Variants in MSH4 observed in about 807,000 individuals in gnomAD.
MSH4 encodes mutS protein homolog 4.
A neutral mutation model predicts 113.7 loss-of-function variants in MSH4; 106 were observed. That is an observed-to-expected ratio of 0.93 (90% confidence interval 0.80 to 1.10). The LOEUF is 1.10. Ranked by LOEUF, MSH4 falls within the 50% of genes least tolerant of loss-of-function variation. The pLI, the probability that MSH4 is intolerant of heterozygous loss-of-function variation, is 0.00. For missense variants in MSH4, 1,061 were observed against 1,093.7 expected (o/e 0.97, Z 0.42); for synonymous variants, 368 against 380.2 (o/e 0.97, Z 0.37).
chr1:75,889,475 A>G, intron 16 of MSH4, 106 bp downstream of exon 16: 1 of 526,136 alleles, frequency 1.9e-6, no homozygotes, highest in Non-Finnish European at 3.4e-6. Context: ...TGTTGCTTAT[A>G]CCCTTTTCTA....
intron 7 of MSH4, among the ~76,000 whole-genome samples, chr1:75,833,252 A>G (rs181265462): frequency 6.6e-6 from 1 of 152,352 alleles, no homozygotes; most frequent in East Asian, 1.9e-4. Context: ...GTCTTCCAGT[A>G]GAACTACAAA....
intron 18 of MSH4, among the ~76,000 whole-genome samples, chr1:75,899,287 A>G (rs1332515721): frequency 6.6e-6 from 1 of 152,102 alleles, no homozygotes; most frequent in Admixed American, 6.6e-5. Flanking sequence ...ATGCCTTTTG[A>G]CCTTCTGTTA....
At chr1:75,824,137 G>T (rs772882628) in intron 7 of MSH4, among the ~76,000 whole-genome samples, 1 of 152,052 alleles carries the variant, frequency 6.6e-6, no homozygotes, top group East Asian at 1.9e-4. Context: ...TCCAGCATCT[G>T]TTGTTTCCTT....
At chr1:75,824,435 T>C (rs1557497254) in intron 7 of MSH4, among the ~76,000 whole-genome samples, 1 of 152,232 alleles carries the variant, frequency 6.6e-6, no homozygotes, top group South Asian at 2.1e-4. Context: ...CTTTTCACTC[T>C]GATGATAGTT....
At position 75,807,023 on chromosome 1, in the gene MSH4, T is replaced by C. The variant is rs748327032; in HGVS notation, c.470T>C (p.Ile157Thr). The C allele has an allele frequency of 1.5e-5, 23 of 1,584,006 alleles. No individual in the cohort carries two copies. The African/African-American group carries it at 2.9e-4, about 20-fold the overall frequency. Residue 157 changes from isoleucine (I) to threonine (T), a missense_variant, in exon 3 of 20, where the codon ATT (isoleucine) becomes ACT (threonine). Transcript: ENST00000263187. ...ATTTCTGCACACTCCCCATCAGTTA[T>C]TGTAGCTGTTGTAGAAGGGAGAGGA... Reference protein sequence around the residue: ...SAISAHSPSVIVAVVEGRGLA... With the variant: ...SAISAHSPSVTVAVVEGRGLA...
At chr1:75,812,051 A>G (rs962840462) in intron 4 of MSH4, among the ~76,000 whole-genome samples, 3 of 151,366 alleles carry the variant, frequency 2.0e-5, no homozygotes, top group African/African-American at 7.4e-5. Flanking sequence ...ATACCTTTCC[A>G]ACTTTCATGT....
Position 75,906,717 on chromosome 1 carries a change from G to A in MSH4, c.2620-5979G>A, listed in dbSNP as rs193107826. On this transcript the variant is annotated intron_variant, in intron 19 of 19. Coordinates refer to ENST00000263187, the MANE Select transcript of MSH4 (RefSeq NM_002440.4). Reference sequence around the variant, plus strand: ...AACAATGGAAAAACTGAAACACTCCGTACTTTAACTTCATTCCCCTGACAT... The same window carrying A: ...AACAATGGAAAAACTGAAACACTCCATACTTTAACTTCATTCCCCTGACAT... 2.4e-4 allele frequency among the ~76,000 whole-genome samples: 35 copies of A among 147,250 alleles called. No individual in the cohort carries two copies. The East Asian group carries it at 3.8e-3, about 16-fold the overall frequency.
intron 17 of MSH4, among the ~76,000 whole-genome samples, chr1:75,894,516 C>T (rs1187598315): frequency 6.6e-6 from 1 of 152,152 alleles, no homozygotes; most frequent in Non-Finnish European, 1.5e-5. Flanking sequence ...GGTACCATTC[C>T]CTGGTAGCAG....
At chr1:75,906,000 AT>A (rs1012406844) in intron 19 of MSH4, among the ~76,000 whole-genome samples, 3 of 150,664 alleles carry the variant, frequency 2.0e-5, no homozygotes, top group Non-Finnish European at 3.0e-5. Context: ...TATTTCTTTT[AT>A]TTTTTTTGAG....
intron 19 of MSH4, among the ~76,000 whole-genome samples, chr1:75,903,670 A>G (rs1313549989): frequency 1.3e-5 from 2 of 152,096 alleles, no homozygotes; most frequent in East Asian, 3.9e-4. Context: ...ATTTATAGCA[A>G]TATTTATTCT....
chr1:75,845,509 A>T (rs947001042), intron 7 of MSH4, among the ~76,000 whole-genome samples: 2 of 152,204 alleles, frequency 1.3e-5, no homozygotes, highest in African/African-American at 4.8e-5. Flanking sequence ...CACAAGGAAA[A>T]CAACAGTAAG....
At chr1:75,799,276 A>G (rs575859259) in intron 1 of MSH4, among the ~76,000 whole-genome samples, 1 of 151,730 alleles carries the variant, frequency 6.6e-6, no homozygotes, top group Admixed American at 6.6e-5. Flanking sequence ...TTTGCAGAGT[A>G]GATTTTTTTT....
rs573941234 is a variant in MSH4, at chr1:75,905,645, T to A, written c.2619+5939T>A. ...GATCTGGCCATTACTGAGAATGGAA[T>A]GTTGAAGACCCCTACTAGTATTGTA... is the stretch of plus-strand genomic sequence containing the variant. On this transcript the variant is annotated intron_variant, in intron 19 of 19. Transcript: ENST00000263187. 6.6e-5 allele frequency among the ~76,000 whole-genome samples: 10 copies of A among 152,298 alleles called. No individual in the cohort carries two copies. In the South Asian group the frequency reaches 1.9e-3, roughly 28 times the overall value.
At chr1:75,892,588 A>G (rs912707747) in intron 17 of MSH4, among the ~76,000 whole-genome samples, 8 of 152,288 alleles carry the variant, frequency 5.3e-5, no homozygotes, top group African/African-American at 1.9e-4. Context: ...ACTTCCAAAC[A>G]TTTTTGGCAA....
At chr1:75,828,849 T>C (rs776847224) in intron 7 of MSH4, among the ~76,000 whole-genome samples, 6 of 151,998 alleles carry the variant, frequency 3.9e-5, no homozygotes, top group Non-Finnish European at 7.4e-5. Context: ...GATGGCCAAA[T>C]AGGAACAGCT....
Position 75,883,720 on chromosome 1 carries a change from T to G in MSH4, c.2006T>G (p.Val669Gly), listed in dbSNP as rs1331349922. 1 of 1,613,338 alleles carries G rather than the reference T, an allele frequency of 6.2e-7. No homozygotes were observed. The highest frequency in any genetic ancestry group is 8.5e-7 in the Non-Finnish European group (1 of 1,179,644). Reference sequence around the variant, plus strand: ...AAACCTATTGCCAACAATACCTATGTTACAGAAGGGAGTAATTTTTTGATC... The same window carrying G: ...AAACCTATTGCCAACAATACCTATGGTACAGAAGGGAGTAATTTTTTGATC... ...AEKPIANNTY[V>G]TEGSNFLIIT... is the part of the protein sequence containing the mutation. Residue 669 changes from valine (V) to glycine (G), a missense_variant, in exon 15 of 20, where the codon GTT (valine) becomes GGT (glycine). By Grantham distance (109) the Val-to-Gly change is moderately radical. Coordinates refer to ENST00000263187, the MANE Select transcript of MSH4 (RefSeq NM_002440.4).
chr1:75,888,960 T>C (rs1272792145), intron 15 of MSH4, among the ~76,000 whole-genome samples: 1 of 150,680 alleles, frequency 6.6e-6, no homozygotes, highest in African/African-American at 2.4e-5. Context: ...AGTGGCGCGA[T>C]CTCGGCTCAC....
intron 19 of MSH4, among the ~76,000 whole-genome samples, chr1:75,903,982 G>A (rs1652565589): frequency 6.6e-6 from 1 of 151,964 alleles, no homozygotes; most frequent in Non-Finnish European, 1.5e-5. Flanking sequence ...TACTCCCATA[G>A]TATTATTTAG....
At position 75,865,738 on chromosome 1, in the gene MSH4, A is replaced by C. The variant is rs185337301; in HGVS notation, c.1231-1776A>C. 1.4e-4 allele frequency among the ~76,000 whole-genome samples: 21 copies of C among 152,356 alleles called. No individual in the cohort carries two copies. The East Asian group carries it at 3.9e-3, about 28-fold the overall frequency. ...GTGATTAATGGATGCCAAATCATCAATTACAAAATCTATAAAAGTTAATTA... is the reference window on the plus strand; with the variant it reads ...GTGATTAATGGATGCCAAATCATCACTTACAAAATCTATAAAAGTTAATTA... On this transcript the variant is annotated intron_variant, in intron 8 of 19. Transcript: ENST00000263187.
Sources: allele counts gnomAD v4.1 joint callset (sites outside exome capture counted in the v4.1 genomes callset), GRCh38; gene constraint gnomAD v4.1.1; transcripts MANE v1.5; gene names NCBI Gene and HGNC (gene_info 2026-07-23, HGNC 2026-07-21).